LRRIQ3: variants seen among roughly 807,000 people sequenced by gnomAD.
LRRIQ3 encodes the protein leucine rich repeats and IQ motif containing 3, also known as leucine-rich repeat and IQ domain-containing protein 3.
LRRIQ3 carries 75 observed loss-of-function variants against 59.3 expected under a neutral mutation model. That is an observed-to-expected ratio of 1.26 (90% CI 1.05 to 1.53). The LOEUF (loss-of-function observed/expected upper bound fraction) is 1.53. Among genes scored for constraint, LRRIQ3 ranks in the 40% most tolerant of loss-of-function variants. The probability of loss-of-function intolerance (pLI) is 0.00; values close to 1 mark genes in which losing one functional copy is unlikely to be tolerated. For synonymous variants in LRRIQ3, 250 were observed against 231.3 expected (o/e 1.08, Z -0.73); for missense variants, 831 against 710.0 (o/e 1.17, Z -1.94).
At chr1:74,166,918 C>A (rs1470838237) in intron 3 of LRRIQ3, among the ~76,000 whole-genome samples, 1 of 151,672 alleles carries the variant, frequency 6.6e-6, no homozygotes, top group African/African-American at 2.4e-5. Context: ...CTTACTCCTG[C>A]AAGAATGGCC....
intron 4 of LRRIQ3, among the ~76,000 whole-genome samples, chr1:74,127,580 A>G (rs1646954505): frequency 6.6e-6 from 1 of 151,952 alleles, no homozygotes; most frequent in Non-Finnish European, 1.5e-5. Flanking sequence ...TGTATAAACA[A>G]AAAAAGAGAA....
At chr1:74,116,477 T>A (rs942033311) in intron 4 of LRRIQ3, among the ~76,000 whole-genome samples, 1 of 151,864 alleles carries the variant, frequency 6.6e-6, no homozygotes, top group Non-Finnish European at 1.5e-5. Context: ...CTTCAGCAAT[T>A]TCAGAAAAAA....
chr1:74,087,077 A>C (rs564213452), intron 5 of LRRIQ3, among the ~76,000 whole-genome samples: 25 of 152,230 alleles, frequency 1.6e-4, no homozygotes, highest in South Asian at 1.0e-3. Flanking sequence ...TTGTTTACTC[A>C]AAGTATTTTG....
chr1:74,190,473 G>T (rs1362697426), intron 1 of LRRIQ3, among the ~76,000 whole-genome samples: 1 of 148,210 alleles, frequency 6.7e-6, no homozygotes, highest in African/African-American at 2.5e-5. Flanking sequence ...AAAAACCAAA[G>T]AGAAAAAAAA....
At chr1:74,168,310 T>C (rs1232260980) in intron 3 of LRRIQ3, among the ~76,000 whole-genome samples, 1 of 152,038 alleles carries the variant, frequency 6.6e-6, no homozygotes, top group East Asian at 1.9e-4. Context: ...ATTAGTAGAT[T>C]GAAACTTTTA....
intron 6 of LRRIQ3, 134 bp from the exon 7 acceptor site, chr1:74,042,067 T>C (rs1011195278): frequency 2.4e-6 from 2 of 849,840 alleles, no homozygotes; most frequent in Admixed American, 3.7e-5. Context: ...CAAGTACCTT[T>C]TCAACTTGTG....
intron 4 of LRRIQ3, among the ~76,000 whole-genome samples, chr1:74,138,159 C>CAAAAAAAA (rs1169201760): frequency 1.9e-5 from 1 of 51,568 alleles, no homozygotes. Context: ...AAAAAACAAA[C>CAAAAAAAA]AAACAAAAAA....
intron 7 of LRRIQ3, among the ~76,000 whole-genome samples, chr1:74,038,369 T>A (rs1653937073): frequency 6.6e-6 from 1 of 152,184 alleles, no homozygotes; most frequent in African/African-American, 2.4e-5. Flanking sequence ...ACCAGCAGAC[T>A]TAACCTTTCC....
At chr1:74,052,883 T>A (rs1028408539) in intron 6 of LRRIQ3, among the ~76,000 whole-genome samples, 1 of 152,184 alleles carries the variant, frequency 6.6e-6, no homozygotes, top group Non-Finnish European at 1.5e-5. Context: ...TAATTTTGAT[T>A]TAACAATTTC....
chr1:74,122,064 A>G (rs1464836233), intron 4 of LRRIQ3, among the ~76,000 whole-genome samples: 2 of 152,068 alleles, frequency 1.3e-5, no homozygotes, highest in Non-Finnish European at 2.9e-5. Flanking sequence ...GTGTCTTTAT[A>G]GCAGCATGAT....
At chr1:74,177,642 CATATA>C (rs1289911555) in intron 3 of LRRIQ3, among the ~76,000 whole-genome samples, 2 of 151,652 alleles carry the variant, frequency 1.3e-5, no homozygotes, top group African/African-American at 4.8e-5. Context: ...ATGTTTATTA[CATATA>C]ATATCTTAAG....
At chr1:74,093,040 C>G (rs1443642314) in intron 5 of LRRIQ3, among the ~76,000 whole-genome samples, 2 of 151,866 alleles carry the variant, frequency 1.3e-5, no homozygotes. Context: ...AATGTCTAAA[C>G]AAGATCTTTC....
Position 74,155,856 on chromosome 1 carries a change from T to C in LRRIQ3, c.584A>G (p.Tyr195Cys). 6.9e-7 allele frequency: 1 copy of C among 1,459,118 alleles called. No homozygotes were observed. Among genetic ancestry groups the C allele is most frequent in the Non-Finnish European group, 9.3e-7 (1 of 1,080,980 alleles). The allele number at this position is 1,459,118 out of a possible 1,614,324, so 90.4% of individuals were successfully genotyped here. ...FCPALRKGTT[Y>C]EEEINNIKHI... Reference sequence around the variant, plus strand: ...TTTAATATTATTAATTTCCTCTTCATAGGTTGTTCCCTGTATAAAGAAAAT... The same window carrying C: ...TTTAATATTATTAATTTCCTCTTCACAGGTTGTTCCCTGTATAAAGAAAAT... Residue 195 changes from tyrosine (Y) to cysteine (C), a missense_variant, in exon 4 of 8, where the codon TAT becomes TGT. Tyr to Cys is a radical substitution (Grantham distance 194). Coordinates refer to ENST00000354431, the MANE Select transcript of LRRIQ3 (RefSeq NM_001105659.2).
intron 5 of LRRIQ3, among the ~76,000 whole-genome samples, chr1:74,088,901 C>A (rs1360343127): frequency 6.6e-6 from 1 of 151,902 alleles, no homozygotes; most frequent in Non-Finnish European, 1.5e-5. Flanking sequence ...GAGAAAATAA[C>A]TCACAAATTA....
chr1:74,185,886 C>A (rs1337676480), intron 1 of LRRIQ3, among the ~76,000 whole-genome samples: 5 of 151,814 alleles, frequency 3.3e-5, no homozygotes. Flanking sequence ...GCACTCCAGC[C>A]TGGGCGACAG....
At chr1:74,029,346 T>G (rs1407401867) in intron 7 of LRRIQ3, among the ~76,000 whole-genome samples, 1 of 152,126 alleles carries the variant, frequency 6.6e-6, no homozygotes, top group Non-Finnish European at 1.5e-5. Context: ...ACATTGGCTG[T>G]GGGTTTGTCA....
At chr1:74,118,334 TA>T (rs1407155077) in intron 4 of LRRIQ3, among the ~76,000 whole-genome samples, 1 of 152,200 alleles carries the variant, frequency 6.6e-6, no homozygotes, top group African/African-American at 2.4e-5. Context: ...TTGTTAAATG[TA>T]TTTTTTTTGT....
At chr1:74,129,110 C>T (rs993329700) in intron 4 of LRRIQ3, among the ~76,000 whole-genome samples, 18 of 152,128 alleles carry the variant, frequency 1.2e-4, no homozygotes, top group Admixed American at 4.6e-4. Flanking sequence ...CACTGCCTTG[C>T]TATTTTCTAT....
chr1:74,060,427 A>C (rs988922817), intron 6 of LRRIQ3, among the ~76,000 whole-genome samples: 1 of 151,020 alleles, frequency 6.6e-6, no homozygotes, highest in Admixed American at 6.6e-5. Context: ...CTTAAGGTGG[A>C]AAGTTAGGTT....
Sources: gnomAD v4.1 joint callset for allele counts (sites outside exome capture counted in the v4.1 genomes callset) on GRCh38, gnomAD v4.1.1 for gene constraint, MANE v1.5 for transcripts, NCBI Gene and HGNC (gene_info 2026-07-23, HGNC 2026-07-21) for gene names.